Variants in PTPRN2 observed in about 807,000 individuals in gnomAD.
The protein encoded by PTPRN2 is receptor-type tyrosine-protein phosphatase N2.
A neutral mutation model predicts 118.8 loss-of-function variants in PTPRN2; 74 were observed. That is an observed-to-expected ratio of 0.62 (90% confidence interval 0.52 to 0.76). The LOEUF (loss-of-function observed/expected upper bound fraction) is 0.76. Ranked by LOEUF, PTPRN2 falls within the 30% of genes least tolerant of loss-of-function variation. PTPRN2 has a pLI of 0.00. For synonymous variants in PTPRN2, 641 were observed against 608.0 expected (o/e 1.05, Z -0.80); for missense variants, 1,481 against 1,394.4 (o/e 1.06, Z -0.99).
chr7:157,779,690 G>A lies in PTPRN2; in HGVS notation c.1789-96753C>T, dbSNP rs1803559322. ...AGGACGAGCTGGGGTGAGGGGCCCC[G>A]GCCAGAAGGATGTCCTGATGAGGGG... On this transcript the variant is annotated intron_variant, in intron 12 of 22. Coordinates refer to ENST00000389418, the MANE Select transcript of PTPRN2 (RefSeq NM_002847.5). This position sits in a 1 kb window ranked among gnomAD's most constrained non-coding sequence, Gnocchi z 4.7. Among the ~76,000 whole-genome samples, 2 of 152,296 alleles carry A rather than the reference G, an allele frequency of 1.3e-5. No homozygotes were observed. Among genetic ancestry groups the A allele is most frequent in the South Asian group, 2.1e-4 (1 of 4,826 alleles).
At position 157,762,823 on chromosome 7, in the gene PTPRN2, G is replaced by A. The variant is rs184679664; in HGVS notation, c.1789-79886C>T. Among the ~76,000 whole-genome samples the A allele has an allele frequency of 1.8e-4, 27 of 152,284 alleles. No individual in the cohort carries two copies. The South Asian group carries it at 1.9e-3, about 11-fold the overall frequency. ...TGGGAGCATGGTGGCCCCAGGCACC[G>A]CATGCAGGGAGGGGTATCAGGGCCC... On this transcript the variant is annotated intron_variant, in intron 12 of 22. Coordinates refer to ENST00000389418, the MANE Select transcript of PTPRN2 (RefSeq NM_002847.5).
rs1203393589 is a variant in PTPRN2 at position 157,953,020 on chromosome 7, A to G, written c.1724-54283T>C. Among the ~76,000 whole-genome samples the G allele has an allele frequency of 6.6e-6, 1 of 151,986 alleles. No individual in the cohort carries two copies. Among genetic ancestry groups the G allele is most frequent in the Non-Finnish European group, 1.5e-5 (1 of 67,976 alleles). ...GGTGAGCTATCCAGTTCCAGGAGCC[A>G]CCTGACCACAGGGTGAGCTGTCCAG... On this transcript the variant is annotated intron_variant, in intron 11 of 22. Transcript: ENST00000389418. This position sits in a 1 kb window ranked among gnomAD's most constrained non-coding sequence, Gnocchi z 4.6.
At chr7:157,885,451 G>A (rs957000493) in intron 12 of PTPRN2, among the ~76,000 whole-genome samples, 1 of 152,174 alleles carries the variant, frequency 6.6e-6, no homozygotes, top group Non-Finnish European at 1.5e-5. Flanking sequence ...AAGGGCATGG[G>A]GCTTTCAGAA....
Position 158,251,810 on chromosome 7 carries a change from GCACAGA to G in PTPRN2, c.278-46543_278-46538del, listed in dbSNP as rs1585989042. 2.0e-5 allele frequency among the ~76,000 whole-genome samples: 3 copies of G among 152,092 alleles called. No individual in the cohort carries two copies. The East Asian group carries it at 5.8e-4, about 29-fold the overall frequency. ...CCTCATTACCTCACATGCGTATAGAGCACAGACACACACCTTAATAAAGCCCAGAGT... is the reference window on the plus strand; with the variant it reads ...CCTCATTACCTCACATGCGTATAGAGCACACACCTTAATAAAGCCCAGAGT... On this transcript the variant is annotated intron_variant, in intron 3 of 22. Coordinates refer to ENST00000389418, the MANE Select transcript of PTPRN2 (RefSeq NM_002847.5).
chr7:158,341,010 G>T (rs1375839320), intron 2 of PTPRN2, among the ~76,000 whole-genome samples: 2 of 45,232 alleles, frequency 4.4e-5, no homozygotes, highest in South Asian at 1.3e-3. Flanking sequence ...GGTGAAACCT[G>T]CAGACGTCAC....
intron 2 of PTPRN2, among the ~76,000 whole-genome samples, chr7:158,348,938 G>A (rs1807740256): frequency 7.6e-6 from 1 of 131,072 alleles, no homozygotes. Flanking sequence ...CCCCTGGGTG[G>A]TCCCTGAGGG....
intron 12 of PTPRN2, among the ~76,000 whole-genome samples, chr7:157,886,919 C>T (rs1796486198): frequency 6.6e-6 from 1 of 151,764 alleles, no homozygotes; most frequent in South Asian, 2.1e-4. Context: ...TCCAAACCCA[C>T]AGTGGGCCAG....
intron 22 of PTPRN2, 105 bp from the exon 23 acceptor site, chr7:157,540,890 C>G: frequency 1.1e-6 from 1 of 883,816 alleles, no homozygotes; most frequent in South Asian, 1.6e-5. Flanking sequence ...CCCTTCCCAA[C>G]GCAGCATCAG....
chr7:158,375,833 G>A (rs1462443504), intron 2 of PTPRN2, among the ~76,000 whole-genome samples: 1 of 152,186 alleles, frequency 6.6e-6, no homozygotes, highest in East Asian at 1.9e-4. Flanking sequence ...TTGGCTGCGG[G>A]ACGGCCAAAC....
At chr7:158,569,409 G>T (rs1370103215) in intron 1 of PTPRN2, among the ~76,000 whole-genome samples, 1 of 152,262 alleles carries the variant, frequency 6.6e-6, no homozygotes, top group Non-Finnish European at 1.5e-5. Context: ...GCCAGACCCA[G>T]ATGCGCCCGC....
intron 12 of PTPRN2, among the ~76,000 whole-genome samples, chr7:157,790,547 A>C (rs1410066656): frequency 6.6e-6 from 1 of 152,162 alleles, no homozygotes; most frequent in African/African-American, 2.4e-5. Context: ...TGTATGACGA[A>C]GGGGGCATTT....
In PTPRN2 at chr7:158,270,338, G is replaced by A. The variant is rs117693927; in HGVS notation, c.277+46481C>T. Among the ~76,000 whole-genome samples, 336 of 152,244 alleles carry A rather than the reference G, an allele frequency of 2.2e-3. 1 individual carries two copies. The highest frequency in any genetic ancestry group is 0.014 in the Middle Eastern group (4 of 294). ...TATAGGTGCAGAGCGGGAGCCAGGC[G>A]GGGGCACTGGGAGCACAGGCATGGT... On this transcript the variant is annotated intron_variant, in intron 3 of 22. Transcript: ENST00000389418.
intron 5 of PTPRN2, among the ~76,000 whole-genome samples, chr7:158,183,978 G>T (rs1292243776): frequency 6.6e-6 from 1 of 151,010 alleles, no homozygotes; most frequent in African/African-American, 2.5e-5. Context: ...TTTTTAATGT[G>T]CTGCTTTTTT....
chr7:157,918,367 A>G (rs975152344), intron 11 of PTPRN2, among the ~76,000 whole-genome samples: 2 of 152,258 alleles, frequency 1.3e-5, no homozygotes, highest in Non-Finnish European at 2.9e-5. Flanking sequence ...AAACCAAACT[A>G]TAACATCATC....
At position 158,278,926 on chromosome 7, in the gene PTPRN2, G is replaced by A. The variant is rs73522394; in HGVS notation, c.277+37893C>T. ...TACAGCTCATAAAGGTAGCATATCC[G>A]GAGTTGTTCATTCCTCGTGGTGGAT... On this transcript the variant is annotated intron_variant, in intron 3 of 22. Coordinates refer to ENST00000389418, the MANE Select transcript of PTPRN2 (RefSeq NM_002847.5). 2.0e-3 allele frequency among the ~76,000 whole-genome samples: 308 copies of A among 152,044 alleles called. 2 individuals are homozygous for A. Among genetic ancestry groups the A allele is most frequent in the African/African-American group, 6.8e-3 (281 of 41,448 alleles).
rs28479033 is a variant in PTPRN2, at chr7:157,734,224, T to C, written c.1789-51287A>G. Among the ~76,000 whole-genome samples the C allele has an allele frequency of 8.9e-5, 13 of 146,438 alleles. 1 individual carries two copies. The highest frequency in any genetic ancestry group is 1.2e-4 in the Non-Finnish European group (8 of 66,904). ...CGTCCCATGCGCCCAGCACAGTTAC[T>C]CTTCCACCCCATGCTCCCAGCACAC... On this transcript the variant is annotated intron_variant, in intron 12 of 22. Coordinates refer to ENST00000389418, the MANE Select transcript of PTPRN2 (RefSeq NM_002847.5).
intron 2 of PTPRN2, among the ~76,000 whole-genome samples, chr7:158,319,378 GCACA>G (rs1027218567): frequency 1.4e-5 from 2 of 146,032 alleles, no homozygotes; most frequent in Non-Finnish European, 1.5e-5. Flanking sequence ...CCTCACACAT[GCACA>G]CACACACACA....
intron 2 of PTPRN2, among the ~76,000 whole-genome samples, chr7:158,459,806 G>A (rs1818840751): frequency 7.1e-6 from 1 of 141,418 alleles, no homozygotes; most frequent in Non-Finnish European, 1.6e-5. Flanking sequence ...TAGAGGGGCT[G>A]TGTACCGTGA....
intron 22 of PTPRN2, among the ~76,000 whole-genome samples, chr7:157,542,443 T>C (rs146303702): frequency 6.6e-6 from 1 of 152,134 alleles, no homozygotes; most frequent in South Asian, 2.1e-4. Context: ...AAGGGAAGAA[T>C]AGAGAAGCGC....
Sources: gnomAD v4.1 joint callset for allele counts (sites outside exome capture counted in the v4.1 genomes callset) on GRCh38, gnomAD v4.1.1 for gene constraint, Gnocchi (gnomAD v3.1) non-coding constraint, MANE v1.5 for transcripts, NCBI Gene and HGNC (gene_info 2026-07-23, HGNC 2026-07-21) for gene names.